DTNBP1: variants seen among roughly 807,000 people sequenced by gnomAD.
DTNBP1 encodes the protein dysbindin.
A neutral mutation model predicts 42.8 loss-of-function variants in DTNBP1; 35 were observed. The observed-to-expected ratio is 0.82, with a 90% CI of 0.63 to 1.09. The LOEUF (loss-of-function observed/expected upper bound fraction) is 1.09, where lower values mean the gene tolerates loss of function less well. DTNBP1 is among the 50% of genes least tolerant of loss of function. The pLI, the probability that DTNBP1 is intolerant of heterozygous loss-of-function variation, is 0.00. For synonymous variants in DTNBP1, 171 were observed against 162.2 expected (o/e 1.05, Z -0.41); for missense variants, 457 against 424.2 (o/e 1.08, Z -0.68).
chr6:15,540,419 G>T (rs988200575), intron 7 of DTNBP1, among the ~76,000 whole-genome samples: 5 of 152,130 alleles, frequency 3.3e-5, no homozygotes, highest in Admixed American at 6.5e-5. Context: ...CATCAAAGGG[G>T]TTTTAATTAA....
intron 7 of DTNBP1, among the ~76,000 whole-genome samples, chr6:15,585,064 A>AATATATAT (rs59261831): frequency 3.2e-4 from 38 of 119,552 alleles, no homozygotes; most frequent in Non-Finnish European, 4.5e-4. Flanking sequence ...TTATGAAAAG[A>AATATATAT]ATATATATAT....
At chr6:15,599,425 A>G (rs1310343735) in intron 6 of DTNBP1, among the ~76,000 whole-genome samples, 8 of 152,136 alleles carry the variant, frequency 5.3e-5, no homozygotes, top group African/African-American at 1.7e-4. Context: ...CCCACAGCTG[A>G]CTCTGCATGT....
chr6:15,541,570 C>T (rs192278174), intron 7 of DTNBP1, among the ~76,000 whole-genome samples: 1 of 152,210 alleles, frequency 6.6e-6, no homozygotes, highest in African/African-American at 2.4e-5. Context: ...TTTTCTACGA[C>T]GAGTCAAGAG....
At chr6:15,544,666 T>C (rs867221033) in intron 7 of DTNBP1, among the ~76,000 whole-genome samples, 4 of 152,350 alleles carry the variant, frequency 2.6e-5, no homozygotes, top group Middle Eastern at 6.8e-3. Context: ...GAGATGCTCA[T>C]GGGAGCATTT....
chr6:15,574,067 T>C (rs1173417331), intron 7 of DTNBP1, among the ~76,000 whole-genome samples: 1 of 152,226 alleles, frequency 6.6e-6, no homozygotes, highest in Non-Finnish European at 1.5e-5. Context: ...AAACAGATCA[T>C]GTCTCGGGAG....
At chr6:15,601,042 C>A (rs1404199499) in intron 6 of DTNBP1, among the ~76,000 whole-genome samples, 4 of 152,156 alleles carry the variant, frequency 2.6e-5, no homozygotes, top group African/African-American at 9.6e-5. Flanking sequence ...CAAGTGAACA[C>A]CAGCATTAAA....
chr6:15,559,043 G>A lies in DTNBP1; in HGVS notation c.512-25648C>T, dbSNP rs138168336. Among the ~76,000 whole-genome samples the A allele has an allele frequency of 2.4e-3, 365 of 152,290 alleles. 1 individual carries two copies. The highest frequency in any genetic ancestry group is 4.0e-3 in the Non-Finnish European group (275 of 68,028). On this transcript the variant is annotated intron_variant, in intron 7 of 9. Transcript: ENST00000344537. ...TTGAGCGATTTTCGTATCAAAGTTCGAAATGGGTCATAAAGCAGTGGAGAC... is the reference window on the plus strand; with the variant it reads ...TTGAGCGATTTTCGTATCAAAGTTCAAAATGGGTCATAAAGCAGTGGAGAC...
At chr6:15,564,322 G>T (rs1392313345) in intron 7 of DTNBP1, among the ~76,000 whole-genome samples, 2 of 151,284 alleles carry the variant, frequency 1.3e-5, no homozygotes, top group East Asian at 3.9e-4. Context: ...ATCTGATAAA[G>T]AACTTACACA....
At position 15,524,285 on chromosome 6, in the gene DTNBP1, A is replaced by G. The variant is rs552598578; in HGVS notation, c.811+241T>C. ...GGGAAAACAAACAAGAAAGCTCTCA[A>G]CTCACCAAAGTTACCGGAGTGGAGC... On this transcript the variant is annotated intron_variant, in intron 9 of 9. Transcript: ENST00000344537. 8 of 1,609,172 alleles carry G rather than the reference A, an allele frequency of 5.0e-6. No homozygotes were observed. In the South Asian group the frequency reaches 6.7e-5, roughly 13 times the overall value.
intron 7 of DTNBP1, among the ~76,000 whole-genome samples, chr6:15,578,760 T>C (rs1775690969): frequency 6.6e-6 from 1 of 152,126 alleles, no homozygotes; most frequent in African/African-American, 2.4e-5. Flanking sequence ...AAGGTATCAT[T>C]AAAAATATTC....
intron 7 of DTNBP1, among the ~76,000 whole-genome samples, chr6:15,549,074 C>A (rs959167175): frequency 6.6e-6 from 1 of 152,218 alleles, no homozygotes; most frequent in African/African-American, 2.4e-5. Context: ...ATGATCCAGA[C>A]TGCAAATAAA....
chr6:15,657,474 T>C (rs1761349593), intron 1 of DTNBP1, among the ~76,000 whole-genome samples: 1 of 152,180 alleles, frequency 6.6e-6, no homozygotes, highest in Admixed American at 6.5e-5. Context: ...TGCCTTATCT[T>C]CTCTCATCTG....
chr6:15,606,717 G>A (rs1758078066), intron 6 of DTNBP1, among the ~76,000 whole-genome samples: 1 of 152,162 alleles, frequency 6.6e-6, no homozygotes, highest in Non-Finnish European at 1.5e-5. Flanking sequence ...TTAAAAAAAT[G>A]CATGCACATA....
At chr6:15,660,406 C>CT in intron 1 of DTNBP1, 1 of 1,289,786 alleles carries the variant, frequency 7.8e-7, no homozygotes, top group Non-Finnish European at 1.0e-6. Flanking sequence ...ACATCAGGCA[C>CT]TAGAGGTCCG....
At chr6:15,527,910 T>G (rs552403965) in intron 8 of DTNBP1, among the ~76,000 whole-genome samples, 1 of 152,006 alleles carries the variant, frequency 6.6e-6, no homozygotes, top group South Asian at 2.1e-4. Flanking sequence ...AAATAGTAAA[T>G]CTCTATAACT....
chr6:15,548,653 T>C (rs1392785637), intron 7 of DTNBP1, among the ~76,000 whole-genome samples: 1 of 152,230 alleles, frequency 6.6e-6, no homozygotes, highest in African/African-American at 2.4e-5. Context: ...CTCATTTCTA[T>C]GGTTATAGTG....
At chr6:15,620,457 G>A (rs1480124394) in intron 5 of DTNBP1, among the ~76,000 whole-genome samples, 1 of 152,028 alleles carries the variant, frequency 6.6e-6, no homozygotes, top group Non-Finnish European at 1.5e-5. Context: ...CAAAGTGCTG[G>A]AATTACAGGT....
intron 6 of DTNBP1, among the ~76,000 whole-genome samples, chr6:15,605,410 G>A (rs532801832): frequency 6.6e-6 from 1 of 152,166 alleles, no homozygotes; most frequent in East Asian, 1.9e-4. Flanking sequence ...ATCCTCATAT[G>A]ACTGCCATCT....
chr6:15,604,668 C>T (rs192199950), intron 6 of DTNBP1, among the ~76,000 whole-genome samples: 6 of 151,584 alleles, frequency 4.0e-5, no homozygotes, highest in African/African-American at 7.3e-5. Flanking sequence ...ACTACAGATA[C>T]GCCATAATCT....
Sources: allele counts gnomAD v4.1 joint callset (sites outside exome capture counted in the v4.1 genomes callset), GRCh38; gene constraint gnomAD v4.1.1; transcripts MANE v1.5; gene names NCBI Gene and HGNC (gene_info 2026-07-23, HGNC 2026-07-21).